The following FTO variants were observed in gnomAD, a reference collection of about 807,000 sequenced individuals.
FTO encodes the protein alpha-ketoglutarate-dependent dioxygenase FTO.
A neutral mutation model predicts 63.9 loss-of-function variants in FTO; 47 were observed. That is an observed-to-expected ratio of 0.74 (90% confidence interval 0.58 to 0.94). The LOEUF is 0.94. Ranked by LOEUF, FTO falls within the 40% of genes least tolerant of loss-of-function variation. The pLI, the probability that FTO is intolerant of heterozygous loss-of-function variation, is 0.00. For synonymous variants in FTO, 207 were observed against 224.4 expected, an observed-to-expected ratio of 0.92 and a Z score of 0.69; for missense variants, 562 against 618.1, an observed-to-expected ratio of 0.91 and a Z score of 0.96.
At chr16:53,878,078 C>A (rs1445390375) in intron 5 of FTO, among the ~76,000 whole-genome samples, 3 of 152,080 alleles carry the variant, frequency 2.0e-5, no homozygotes, top group Non-Finnish European at 4.4e-5. Flanking sequence ...GGGGGTGGAT[C>A]ACTTGAGGTC....
At chr16:53,939,609 A>ACCCT (rs1275312615) in intron 8 of FTO, among the ~76,000 whole-genome samples, 1 of 151,934 alleles carries the variant, frequency 6.6e-6, no homozygotes, top group Non-Finnish European at 1.5e-5. Context: ...GTTAACAGCC[A>ACCCT]CCCTCCATTC....
intron 8 of FTO, among the ~76,000 whole-genome samples, chr16:54,060,729 A>G (rs1365076136): frequency 6.6e-6 from 1 of 152,182 alleles, no homozygotes; most frequent in African/African-American, 2.4e-5. Flanking sequence ...CTGGGACGCT[A>G]GTTTCAGTGT....
At chr16:53,794,154 C>T (rs17817964) in intron 1 of FTO, among the ~76,000 whole-genome samples, 45,745 of 152,052 alleles carry the variant, frequency 0.3, 8,283 homozygotes, top group Non-Finnish European at 0.41. Context: ...CGTAATTTCA[C>T]AATGTGAATC....
At chr16:54,072,914 G>T (rs1198765549) in intron 8 of FTO, among the ~76,000 whole-genome samples, 1 of 152,146 alleles carries the variant, frequency 6.6e-6, no homozygotes, top group Non-Finnish European at 1.5e-5. Flanking sequence ...AGAAACCTGT[G>T]GCTGGACTAG....
chr16:53,823,877 C>T (rs374757147), intron 2 of FTO, among the ~76,000 whole-genome samples: 1 of 152,156 alleles, frequency 6.6e-6, no homozygotes, highest in African/African-American at 2.4e-5. Context: ...AAGAGCGAAA[C>T]GCCATCTCAA....
intron 8 of FTO, 119 bp downstream of exon 8, chr16:53,934,228 C>T (rs747115216): frequency 3.8e-6 from 4 of 1,057,166 alleles, no homozygotes; most frequent in Non-Finnish European, 4.3e-6. Flanking sequence ...AAAATAAGCA[C>T]GTTTAAGATG....
chr16:53,956,640 T>C (rs1243271812), intron 8 of FTO: 2 of 146,896 alleles, frequency 1.4e-5, no homozygotes, highest in Non-Finnish European at 3.0e-5. Context: ...TCATGAAACA[T>C]CTAAATTTTC....
chr16:53,720,643 A>AAG (rs199901732), intron 1 of FTO, among the ~76,000 whole-genome samples: 8 of 146,834 alleles, frequency 5.4e-5, no homozygotes, highest in African/African-American at 1.5e-4. Context: ...ATATATATAA[A>AAG]ATATATATAT....
chr16:54,103,219 T>A (rs1431257003), intron 8 of FTO, among the ~76,000 whole-genome samples: 1 of 152,158 alleles, frequency 6.6e-6, no homozygotes, highest in Non-Finnish European at 1.5e-5. Flanking sequence ...GTTATGTTGG[T>A]ATTCAAAAGC....
chr16:53,900,488 G>C (rs2081376256), intron 7 of FTO, among the ~76,000 whole-genome samples: 1 of 151,548 alleles, frequency 6.6e-6, no homozygotes, highest in South Asian at 2.1e-4. Flanking sequence ...ACACTACTGA[G>C]ATATTTTGAT....
chr16:53,881,235 C>G (rs1393746803), intron 6 of FTO, among the ~76,000 whole-genome samples: 1 of 152,052 alleles, frequency 6.6e-6, no homozygotes, highest in Non-Finnish European at 1.5e-5. Flanking sequence ...TAGGGCAATG[C>G]AAAGGAGGCT....
Position 53,718,332 on chromosome 16 carries a change from A to G in FTO, c.45+14103A>G, listed in dbSNP as rs529063324. On this transcript the variant is annotated intron_variant, in intron 1 of 8. Coordinates refer to ENST00000471389, the MANE Select transcript of FTO (RefSeq NM_001080432.3). ...AAATTGTGTTTTTTAAATGATACTTAAGAAAGTTTTTTATGTGTTTGCTAT... is the reference window on the plus strand; with the variant it reads ...AAATTGTGTTTTTTAAATGATACTTGAGAAAGTTTTTTATGTGTTTGCTAT... Among the ~76,000 whole-genome samples the G allele has an allele frequency of 3.2e-4, 49 of 152,194 alleles. 2 individuals are homozygous for G. In the South Asian group the frequency reaches 9.9e-3, roughly 31 times the overall value.
At chr16:53,721,405 C>G (rs2076038584) in intron 1 of FTO, among the ~76,000 whole-genome samples, 1 of 152,024 alleles carries the variant, frequency 6.6e-6, no homozygotes, top group Non-Finnish European at 1.5e-5. Flanking sequence ...ATTTTTATAC[C>G]ATTTAGAACA....
At chr16:53,913,125 G>A (rs2081756617) in intron 7 of FTO, among the ~76,000 whole-genome samples, 1 of 152,088 alleles carries the variant, frequency 6.6e-6, no homozygotes, top group African/African-American at 2.4e-5. Context: ...GAATTGTGTG[G>A]TCTTTTATAA....
At chr16:53,978,998 C>CA (rs137867482) in intron 8 of FTO, among the ~76,000 whole-genome samples, 6,571 of 149,078 alleles carry the variant, frequency 0.044, 444 homozygotes, top group African/African-American at 0.15. Flanking sequence ...GACTCTGTCT[C>CA]AAAAAAAAAC....
intron 8 of FTO, among the ~76,000 whole-genome samples, chr16:54,094,997 C>T (rs1342597650): frequency 6.6e-6 from 1 of 152,174 alleles, no homozygotes; most frequent in African/African-American, 2.4e-5. Context: ...CCCATCCTCT[C>T]CATCCCCTCT....
In FTO at chr16:53,826,275, G is replaced by A; in HGVS notation, c.535G>A (p.Val179Ile). 2 of 1,614,212 alleles carry A rather than the reference G, an allele frequency of 1.2e-6. No individual in the cohort carries two copies. Among genetic ancestry groups the A allele is most frequent in the Admixed American group, 1.7e-5 (1 of 60,022 alleles). ...GTGTATGTCTGCAGATTTCCCCAGG[G>A]TTGGGATGGGTTCATCCTACAACGG... ...PLCMSADFPRVGMGSSYNGQD... is the reference protein window; with the variant it reads ...PLCMSADFPRIGMGSSYNGQD... Residue 179 changes from valine to isoleucine, a missense_variant, in exon 3 of 9, where the codon GTT becomes ATT. Physicochemically the swap from Val to Ile is conservative, Grantham distance 29. Transcript: ENST00000471389.
chr16:53,745,957 T>TC (rs11380777), intron 1 of FTO, among the ~76,000 whole-genome samples: 47,654 of 152,016 alleles, frequency 0.31, 9,093 homozygotes, highest in African/African-American at 0.53. Context: ...GCTTGGGTGG[T>TC]TATATACTTA....
intron 4 of FTO, among the ~76,000 whole-genome samples, chr16:53,864,559 A>G (rs2080257052): frequency 6.6e-6 from 1 of 152,182 alleles, no homozygotes; most frequent in Non-Finnish European, 1.5e-5. Flanking sequence ...CTCCACTGCC[A>G]GGGCACGCAG....
Sources: gnomAD v4.1 joint callset for allele counts (sites outside exome capture counted in the v4.1 genomes callset) on GRCh38, gnomAD v4.1.1 for gene constraint, MANE v1.5 for transcripts, NCBI Gene and HGNC (gene_info 2026-07-23, HGNC 2026-07-21) for gene names.